The following TCF4 variants were observed in gnomAD, a reference collection of about 807,000 sequenced individuals.
TCF4 encodes SL3-3 enhancer factor 2.
Under a neutral mutation model 82.1 loss-of-function variants are expected in TCF4, and 3 were observed. That is an observed-to-expected ratio of 0.04 (90% confidence interval 0.02 to 0.09). The LOEUF (loss-of-function observed/expected upper bound fraction) is 0.09, where lower values mean the gene tolerates loss of function less well. TCF4 is among the 10% of genes least tolerant of loss of function. TCF4 has a pLI of 1.00. For synonymous variants in TCF4, 276 were observed against 309.6 expected, an observed-to-expected ratio of 0.89 and a Z score of 1.14; for missense variants, 518 against 852.7, an observed-to-expected ratio of 0.61 and a Z score of 4.89.
At chr18:55,263,725 C>T (rs1159345266) in intron 11 of TCF4, among the ~76,000 whole-genome samples, 1 of 150,328 alleles carries the variant, frequency 6.7e-6, no homozygotes, top group African/African-American at 2.5e-5. Flanking sequence ...TTTGGGGGTA[C>T]TTATCTTTTT....
chr18:55,444,081 A>G (rs1180442655), intron 5 of TCF4, among the ~76,000 whole-genome samples: 2 of 152,228 alleles, frequency 1.3e-5, no homozygotes. Context: ...CTCACTTCCT[A>G]TATCAACAGA....
chr18:55,272,047 A>G (rs2060493409), intron 10 of TCF4, among the ~76,000 whole-genome samples: 1 of 152,156 alleles, frequency 6.6e-6, no homozygotes, highest in African/African-American at 2.4e-5. Flanking sequence ...AAGATGAAAC[A>G]AAACAGATAA....
rs1010815353 is a variant in TCF4 at position 55,621,780 on chromosome 18, AAT to A, written c.286+9516_286+9517del. Among the ~76,000 whole-genome samples the A allele has an allele frequency of 2.2e-4, 20 of 91,218 alleles. No individual in the cohort carries two copies. The Admixed American group carries it at 3.5e-3, about 16-fold the overall frequency. The allele number at this position is 91,218 out of a possible 152,430, so 59.8% of individuals were successfully genotyped here. ...AATTATAACATATAATATATAATATAATATATATTATATATTATATGTTATAT... is the reference window on the plus strand; with the variant it reads ...AATTATAACATATAATATATAATATAATATATTATATATTATATGTTATAT... On this transcript the variant is annotated intron_variant, in intron 2 of 20. Transcript: ENST00000398339.
intron 3 of TCF4, among the ~76,000 whole-genome samples, chr18:55,464,916 A>C (rs1457685833): frequency 6.6e-6 from 1 of 152,238 alleles, no homozygotes; most frequent in African/African-American, 2.4e-5. Flanking sequence ...TGCTGAGTAG[A>C]TTACGAAATG....
chr18:55,568,182 GAAT>G lies in TCF4; in HGVS notation c.145+17095_145+17097del, dbSNP rs1330952639. On this transcript the variant is annotated intron_variant, in intron 3 of 19. Transcript: ENST00000354452. Reference sequence around the variant, plus strand: ...CTCTATTTAGAAAAAAAAAAAAACAGAATAATAAGCCTAAGTACATAGAAAGCA... The same window carrying G: ...CTCTATTTAGAAAAAAAAAAAAACAGAATAAGCCTAAGTACATAGAAAGCA... Among the ~76,000 whole-genome samples, 10 of 142,912 alleles carry G rather than the reference GAAT, an allele frequency of 7.0e-5. No individual in the cohort carries two copies. The South Asian group carries it at 1.5e-3, about 22-fold the overall frequency. 93.8% of individuals were successfully genotyped at this position (142,912 alleles called of 152,430 possible).
At chr18:55,304,065 GA>G (rs1448877793) in intron 8 of TCF4, among the ~76,000 whole-genome samples, 2 of 152,152 alleles carry the variant, frequency 1.3e-5, no homozygotes, top group African/African-American at 2.4e-5. Flanking sequence ...TTAAGGAAAG[GA>G]TATTAGCATA....
At chr18:55,583,877 G>C (rs536038758) in intron 3 of TCF4, among the ~76,000 whole-genome samples, 43 of 152,070 alleles carry the variant, frequency 2.8e-4, no homozygotes, top group African/African-American at 1.0e-3. Flanking sequence ...AAGTTGCATA[G>C]AGGATACCAT....
At chr18:55,374,340 A>C (rs897916226) in intron 6 of TCF4, among the ~76,000 whole-genome samples, 1 of 151,808 alleles carries the variant, frequency 6.6e-6, no homozygotes, top group Admixed American at 6.6e-5. Context: ...AACCAAAAGA[A>C]GGTACTTGAA....
At chr18:55,452,645 G>GC (rs2095648877) in intron 5 of TCF4, 1 of 152,458 alleles carries the variant, frequency 6.6e-6, no homozygotes, top group Admixed American at 6.5e-5. Flanking sequence ...TGACAAGGGT[G>GC]CCCTGGACAG....
upstream of TCF4, among the ~76,000 whole-genome samples, chr18:55,590,711 C>T (rs956301119): frequency 2.0e-5 from 3 of 152,180 alleles, no homozygotes; most frequent in African/African-American, 7.2e-5. Context: ...AGCTTTTAGT[C>T]TTTGCAACAG....
In TCF4 at chr18:55,585,347, A is replaced by G. The variant is rs777667749; in HGVS notation, c.78T>C (p.Phe26=). The change falls in exon 3 of 20, where the codon TTT becomes TTC. Residue 26 remains phenylalanine, a synonymous_variant. Coordinates refer to ENST00000354452, the MANE Select transcript of TCF4 (RefSeq NM_001083962.2). ...LSDLLDFSAM[F]SPPVSSGKNG... The stretch of plus-strand genomic sequence containing the variant: ...TTTTCCCACTGCTCACAGGAGGTGA[A>G]AACATCTAAAAGAAACAAAGAAATA... 1 of 1,613,902 alleles carries G rather than the reference A, an allele frequency of 6.2e-7. No individual in the cohort carries two copies. Among genetic ancestry groups the G allele is most frequent in the Non-Finnish European group, 8.5e-7 (1 of 1,179,846 alleles).
chr18:55,251,289 A>G (rs2054996385), intron 15 of TCF4, among the ~76,000 whole-genome samples: 1 of 151,740 alleles, frequency 6.6e-6, no homozygotes, highest in Non-Finnish European at 1.5e-5. Context: ...GTATACAAAC[A>G]TTCGCTCTTG....
intron 11 of TCF4, chr18:55,268,876 G>A (rs2059757037): frequency 6.6e-6 from 1 of 152,208 alleles, no homozygotes. Context: ...TTCAGGCCAA[G>A]CAAGGAGTTA....
intron 6 of TCF4, among the ~76,000 whole-genome samples, chr18:55,364,402 T>G (rs2086282745): frequency 6.6e-6 from 1 of 152,218 alleles, no homozygotes; most frequent in African/African-American, 2.4e-5. Flanking sequence ...TGACCTGTTT[T>G]TCTAAAAAGT....
chr18:55,402,733 G>T (rs2093895972), intron 6 of TCF4, among the ~76,000 whole-genome samples: 1 of 152,132 alleles, frequency 6.6e-6, no homozygotes, highest in African/African-American at 2.4e-5. Flanking sequence ...TATACTTTTA[G>T]CTATTGACAG....
chr18:55,350,731 A>G (rs1163955417), intron 7 of TCF4, 143 bp downstream of exon 7: 3 of 1,083,032 alleles, frequency 2.8e-6, no homozygotes, highest in African/African-American at 1.6e-5. Context: ...CTAGGGGGGA[A>G]GTCTCCAGGC....
At chr18:55,472,807 A>C (rs2096213662) in intron 3 of TCF4, among the ~76,000 whole-genome samples, 1 of 152,206 alleles carries the variant, frequency 6.6e-6, no homozygotes, top group South Asian at 2.1e-4. Flanking sequence ...TACTTAAATA[A>C]ATGTGAAAAT....
intron 8 of TCF4, among the ~76,000 whole-genome samples, chr18:55,318,786 T>C (rs1276405951): frequency 6.6e-6 from 1 of 152,150 alleles, no homozygotes. Context: ...AAAATATCAT[T>C]GATTATATTT....
intron 2 of TCF4, among the ~76,000 whole-genome samples, chr18:55,604,226 GT>G (rs68034392): frequency 0.14 from 21,700 of 150,610 alleles, 2,015 homozygotes; most frequent in Admixed American, 0.28. Context: ...TCAGTTTTTT[GT>G]TTTTTTTTAA....
Sources: allele counts gnomAD v4.1 joint callset (sites outside exome capture counted in the v4.1 genomes callset), GRCh38; gene constraint gnomAD v4.1.1; transcripts MANE v1.5; gene names NCBI Gene and HGNC (gene_info 2026-07-23, HGNC 2026-07-21).